The following P3H2 variants were observed in gnomAD, a reference collection of about 807,000 sequenced individuals.
The protein encoded by P3H2 is leprecan-like 1.
In P3H2, 80 loss-of-function variants were observed where a neutral mutation model predicts 87.0. The observed-to-expected ratio is 0.92, with a 90% CI of 0.77 to 1.11. The LOEUF is 1.11. P3H2 is among the 50% of genes least tolerant of loss of function. The pLI is 0.00. For missense variants in P3H2, 1,001 were observed against 923.9 expected, an observed-to-expected ratio of 1.08 and a Z score of -1.08; for synonymous variants, 367 against 359.3, an observed-to-expected ratio of 1.02 and a Z score of -0.24.
chr3:190,074,884 A>G (rs1326694798), intron 1 of P3H2, among the ~76,000 whole-genome samples: 1 of 152,238 alleles, frequency 6.6e-6, no homozygotes, highest in Admixed American at 6.5e-5. Context: ...TCAATCAAAT[A>G]CATGGTCAAT....
chr3:190,007,428 G>C (rs1410733925), intron 1 of P3H2, among the ~76,000 whole-genome samples: 1 of 152,100 alleles, frequency 6.6e-6, no homozygotes, highest in Non-Finnish European at 1.5e-5. Flanking sequence ...ATTTCACTTT[G>C]AGCTAGTTTG....
At chr3:189,991,994 C>T (rs1304298516) in intron 3 of P3H2, among the ~76,000 whole-genome samples, 3 of 141,876 alleles carry the variant, frequency 2.1e-5, no homozygotes, top group East Asian at 2.1e-4. Context: ...AACCTCTATC[C>T]AAGTTTGGTA....
intron 8 of P3H2, among the ~76,000 whole-genome samples, chr3:189,980,571 AG>A (rs67029175): frequency 0.014 from 2,195 of 151,926 alleles, 37 homozygotes; most frequent in African/African-American, 0.043. Flanking sequence ...TCAAAAAAAA[AG>A]AAAAAGAGAT....
chr3:190,120,510 G>T lies in P3H2; in HGVS notation c.222C>A (p.His74Gln), dbSNP rs774018969. The change falls in exon 1 of 15, where the codon CAC becomes CAA. Residue 74 changes from histidine to glutamine, a missense_variant. Coordinates refer to ENST00000319332, the MANE Select transcript of P3H2 (RefSeq NM_018192.4). ...VRDLEAALRS[H>Q]RRLREIRTRC... Reference sequence around the variant, plus strand: ...GCGTGCGGATTTCCCGCAGGCGCCGGTGGCTGCGCAGCGCCGCTTCCAAGT... The same window carrying T: ...GCGTGCGGATTTCCCGCAGGCGCCGTTGGCTGCGCAGCGCCGCTTCCAAGT... 6.8e-7 allele frequency: 1 copy of T among 1,472,566 alleles called. No homozygotes were observed. Among genetic ancestry groups the T allele is most frequent in the Admixed American group, 2.4e-5 (1 of 41,924 alleles). The allele number at this position is 1,472,566 out of a possible 1,614,324, so 91.2% of individuals were successfully genotyped here.
At chr3:190,004,434 G>A (rs577334156) in intron 1 of P3H2, among the ~76,000 whole-genome samples, 1 of 152,184 alleles carries the variant, frequency 6.6e-6, no homozygotes. Context: ...CCAGGCTGGA[G>A]TGCAGTGGCG....
intron 1 of P3H2, among the ~76,000 whole-genome samples, chr3:190,045,996 G>T (rs534569058): frequency 6.6e-6 from 1 of 152,046 alleles, no homozygotes; most frequent in Non-Finnish European, 1.5e-5. Context: ...GGTGGCGGGC[G>T]CCTGTGGTCC....
chr3:189,963,804 A>G, intron 14 of P3H2, 154 bp downstream of exon 14: 1 of 772,688 alleles, frequency 1.3e-6, no homozygotes, highest in East Asian at 2.5e-5. Flanking sequence ...TGACACAGCT[A>G]TTTCTACAAA....
At chr3:190,018,585 T>C (rs1324745991) in intron 1 of P3H2, among the ~76,000 whole-genome samples, 7 of 152,180 alleles carry the variant, frequency 4.6e-5, no homozygotes, top group Non-Finnish European at 8.8e-5. Flanking sequence ...GGCAAGCACC[T>C]GTAATCTTAG....
intron 1 of P3H2, among the ~76,000 whole-genome samples, chr3:190,110,737 T>C (rs755979180): frequency 4.1e-4 from 63 of 152,232 alleles, no homozygotes; most frequent in Non-Finnish European, 2.4e-4. Flanking sequence ...AATTTCTCTG[T>C]GCAAATCTAT....
chr3:190,109,374 C>CA (rs1711979183), intron 1 of P3H2, among the ~76,000 whole-genome samples: 1 of 152,142 alleles, frequency 6.6e-6, no homozygotes, highest in African/African-American at 2.4e-5. Context: ...TGTGAGTTGG[C>CA]ATTTTTGTTT....
chr3:190,070,564 C>CA (rs1387840730), intron 1 of P3H2, among the ~76,000 whole-genome samples: 1 of 152,166 alleles, frequency 6.6e-6, no homozygotes, highest in African/African-American at 2.4e-5. Flanking sequence ...ATCAAGAGCA[C>CA]ACGGTCCAAG....
rs1725530826 is a variant in P3H2 at position 190,039,392 on chromosome 3, T to C, written c.481-43950A>G. On this transcript the variant is annotated intron_variant, in intron 1 of 14. Coordinates refer to ENST00000319332, the MANE Select transcript of P3H2 (RefSeq NM_018192.4). The stretch of plus-strand genomic sequence containing the variant: ...TGGTATAATGCTTTGCTTCTCAGTT[T>C]GCAAAATTTAATGCATCTAATTCTG... Among the ~76,000 whole-genome samples, 3 of 152,178 alleles carry C rather than the reference T, an allele frequency of 2.0e-5. No individual in the cohort carries two copies. The South Asian group carries it at 6.2e-4, about 32-fold the overall frequency.
chr3:190,113,946 G>A (rs906034512), intron 1 of P3H2, among the ~76,000 whole-genome samples: 1 of 150,252 alleles, frequency 6.7e-6, no homozygotes, highest in Non-Finnish European at 1.5e-5. Context: ...CGGGCGTGGA[G>A]GCGGGCGCCT....
chr3:189,963,756 A>G (rs1184827921), intron 14 of P3H2: 1 of 617,224 alleles, frequency 1.6e-6, no homozygotes, highest in Non-Finnish European at 2.8e-6. Context: ...ACAATTTGTT[A>G]ATAAGCTCAA....
At chr3:190,102,946 C>T (rs1169922112) in intron 1 of P3H2, among the ~76,000 whole-genome samples, 1 of 152,138 alleles carries the variant, frequency 6.6e-6, no homozygotes, top group Admixed American at 6.5e-5. Flanking sequence ...GAAAGACTGT[C>T]CACCAGCAAA....
chr3:189,987,859 G>T (rs1301060614), intron 4 of P3H2, 190 bp from the exon 5 acceptor site: 50 of 656,010 alleles, frequency 7.6e-5, no homozygotes, highest in Non-Finnish European at 1.6e-5. Context: ...GTATTCAAAA[G>T]TTATTACCTT....
At chr3:190,010,017 C>T (rs959588805) in intron 1 of P3H2, among the ~76,000 whole-genome samples, 1 of 152,100 alleles carries the variant, frequency 6.6e-6, no homozygotes, top group Non-Finnish European at 1.5e-5. Flanking sequence ...TAAGTCCCAC[C>T]CTTCCAACTT....
chr3:190,066,856 T>C (rs1024040465), intron 1 of P3H2, among the ~76,000 whole-genome samples: 4 of 152,102 alleles, frequency 2.6e-5, no homozygotes, highest in African/African-American at 9.7e-5. Context: ...CTTTTGCTCA[T>C]GATGTTCCTT....
intron 14 of P3H2, among the ~76,000 whole-genome samples, chr3:189,962,964 C>T (rs780750383): frequency 6.6e-6 from 1 of 152,224 alleles, no homozygotes; most frequent in Non-Finnish European, 1.5e-5. Flanking sequence ...AGTTAAGCCT[C>T]TGCTACGATG....
Sources: allele counts gnomAD v4.1 joint callset (sites outside exome capture counted in the v4.1 genomes callset), GRCh38; gene constraint gnomAD v4.1.1; transcripts MANE v1.5; gene names NCBI Gene and HGNC (gene_info 2026-07-23, HGNC 2026-07-21).